The following ZNF155 variants were observed in gnomAD, a reference collection of about 807,000 sequenced individuals.
ZNF155 encodes KRAB A domain.
ZNF155 carries 15 observed loss-of-function variants against 11.9 expected under a neutral mutation model. The observed-to-expected ratio is 1.26, with a 90% CI of 0.84 to 1.94. The LOEUF (loss-of-function observed/expected upper bound fraction) is 1.94, where lower values mean the gene tolerates loss of function less well. Among genes scored for constraint, ZNF155 ranks in the 30% most tolerant of loss-of-function variants. ZNF155 has a pLI of 0.00. For missense variants in ZNF155, 602 were observed against 639.1 expected, an observed-to-expected ratio of 0.94 and a Z score of 0.63; for synonymous variants, 212 against 219.9, an observed-to-expected ratio of 0.96 and a Z score of 0.32.
chr19:43,995,406 CT>C (rs60385928), intron 4 of ZNF155, among the ~76,000 whole-genome samples: 74,963 of 94,224 alleles, frequency 0.8, 30,256 homozygotes, highest in East Asian at 0.91. Context: ...GCATCCAGCA[CT>C]TTTTTTTTTT....
intron 2 of ZNF155, chr19:43,990,052 C>G (rs1242587441): frequency 2.0e-6 from 3 of 1,513,422 alleles, no homozygotes; most frequent in Admixed American, 4.6e-5. Context: ...ATACTTATAA[C>G]CTGCTCTTGG....
At position 43,997,248 on chromosome 19, in the gene ZNF155, A is replaced by G. The variant is rs375597411; in HGVS notation, c.1391A>G (p.Asn464Ser). The stretch of plus-strand genomic sequence containing the variant: ...TATAATTGTAAGGAATGTGGGAAGA[A>G]CTTTAGCCGGGCCTCAAGTATTTTG... ...RPYNCKECGK[N>S]FSRASSILNH... The change falls in exon 5 of 5, where the codon AAC (asparagine) becomes AGC (serine). Residue 464 changes from asparagine to serine, a missense_variant. Physicochemically the swap from Asn to Ser is conservative, Grantham distance 46 (BLOSUM62 1). Coordinates refer to ENST00000270014, the MANE Select transcript of ZNF155 (RefSeq NM_198089.3). 4.2e-5 allele frequency: 67 copies of G among 1,614,114 alleles called. No homozygotes were observed. The highest frequency in any genetic ancestry group is 1.6e-4 in the Middle Eastern group (1 of 6,062).
intron 2 of ZNF155, among the ~76,000 whole-genome samples, chr19:43,990,301 A>G (rs1975613622): frequency 6.6e-6 from 1 of 152,186 alleles, no homozygotes; most frequent in Non-Finnish European, 1.5e-5. Context: ...AATATGTAAA[A>G]TTAAATATTC....
At chr19:43,985,872 A>G (rs415499) in intron 1 of ZNF155, among the ~76,000 whole-genome samples, 69,677 of 152,040 alleles carry the variant, frequency 0.46, 15,971 homozygotes, top group Middle Eastern at 0.49. Context: ...GGAGTGAGAC[A>G]CCTGGTGCTT....
chr19:43,997,724 A>G lies in ZNF155; in HGVS notation c.*250A>G. 1 of 413,678 alleles carries G rather than the reference A, an allele frequency of 2.4e-6. No individual in the cohort carries two copies. Among genetic ancestry groups the G allele is most frequent in the Non-Finnish European group, 4.3e-6 (1 of 232,500 alleles). 25.6% of individuals were successfully genotyped at this position (413,678 alleles called of 1,614,324 possible). ...AGCCTGGGGAAGACAATCAAGCTAC[A>G]GGCACTGATAAGGGAACTAGCACAG... On this transcript the variant is annotated 3_prime_UTR_variant, in exon 5 of 5. Transcript: ENST00000270014.
chr19:43,988,415 C>G lies in ZNF155; in HGVS notation c.-85-44C>G, dbSNP rs561956931. On this transcript the variant is annotated intron_variant, in intron 1 of 4. Coordinates refer to ENST00000270014, the MANE Select transcript of ZNF155 (RefSeq NM_198089.3). ...TTATTATGAATAATGCTGCTGTGAT[C>G]ATTCATGGGCTAATTCACAACACAC... is the stretch of plus-strand genomic sequence containing the variant. 1.6e-5 allele frequency: 15 copies of G among 932,816 alleles called. No individual in the cohort carries two copies. In the South Asian group the frequency reaches 3.7e-4, roughly 23 times the overall value. 57.8% of individuals were successfully genotyped at this position (932,816 alleles called of 1,614,324 possible).
chr19:43,994,187 G>T (rs1159728010), intron 4 of ZNF155, among the ~76,000 whole-genome samples: 1 of 151,900 alleles, frequency 6.6e-6, no homozygotes, highest in African/African-American at 2.4e-5. Flanking sequence ...TCACATTTTT[G>T]ATTGTCTGCT....
intron 1 of ZNF155, among the ~76,000 whole-genome samples, chr19:43,987,578 T>A (rs948042412): frequency 2.6e-5 from 4 of 152,192 alleles, no homozygotes; most frequent in Admixed American, 6.5e-5. Flanking sequence ...GGTTTGGCCC[T>A]TCATTGGTGA....
rs770585157 is a variant in ZNF155 at position 43,991,724 on chromosome 19, T to G, written c.142+50T>G. The G allele has an allele frequency of 3.7e-6, 6 of 1,612,834 alleles. No individual in the cohort carries two copies. In the East Asian group the frequency reaches 8.9e-5, roughly 24 times the overall value. On this transcript the variant is annotated intron_variant, in intron 3 of 4. Coordinates refer to ENST00000270014, the MANE Select transcript of ZNF155 (RefSeq NM_198089.3). Reference sequence around the variant, plus strand: ...TGAACATCAGGCCTCAGGAGTGGTTTTGTACCTTAGAGTGTTCAAGTTTGA... The same window carrying G: ...TGAACATCAGGCCTCAGGAGTGGTTGTGTACCTTAGAGTGTTCAAGTTTGA...
At chr19:43,990,018 A>G in intron 2 of ZNF155, 1 of 1,467,556 alleles carries the variant, frequency 6.8e-7, no homozygotes, top group Non-Finnish European at 8.9e-7. Flanking sequence ...TTGTTCCCCA[A>G]ATCAGATTAC....
intron 4 of ZNF155, among the ~76,000 whole-genome samples, chr19:43,993,091 T>C (rs1975720546): frequency 6.6e-6 from 1 of 152,216 alleles, no homozygotes; most frequent in Admixed American, 6.5e-5. Context: ...AAAGTCTATA[T>C]ACACTTCACT....
In ZNF155 at chr19:43,996,496, T is replaced by C. The variant is rs773233540; in HGVS notation, c.639T>C (p.Phe213=). 1 of 1,614,138 alleles carries C rather than the reference T, an allele frequency of 6.2e-7. No homozygotes were observed. Among genetic ancestry groups the C allele is most frequent in the Non-Finnish European group, 8.5e-7 (1 of 1,180,012 alleles). ...TGTGTGATGTGTGTGGCAAGGAATT[T>C]AGTCAAAGCTCACATCTGCAAACTC... ...LFMCDVCGKE[F]SQSSHLQTHQ... Residue 213 remains phenylalanine, a synonymous_variant, in exon 5 of 5, where the codon TTT becomes TTC. Coordinates refer to ENST00000270014, the MANE Select transcript of ZNF155 (RefSeq NM_198089.3).
At chr19:43,985,539 T>TAC (rs1555760001) in intron 1 of ZNF155, among the ~76,000 whole-genome samples, 1 of 122,714 alleles carries the variant, frequency 8.1e-6, no homozygotes, top group Non-Finnish European at 1.8e-5. Context: ...TTTTCTTTTT[T>TAC]TTTTTTTTTT....
At position 43,991,679 on chromosome 19, in the gene ZNF155, G is replaced by A. The variant is rs1454506890; in HGVS notation, c.142+5G>A. The stretch of plus-strand genomic sequence containing the variant: ...TCAGGAACCTGCTCTCAGTGGGTGA[G>A]CACGGGCATCTTTTGTGTCTGAACA... On this transcript the variant is annotated splice_donor_5th_base_variant and intron_variant, in intron 3 of 4. Transcript: ENST00000270014. 6.2e-7 allele frequency: 1 copy of A among 1,614,006 alleles called. No individual in the cohort carries two copies. The highest frequency in any genetic ancestry group is 2.2e-5 in the East Asian group (1 of 44,902).
rs376021875 is a variant in ZNF155, at chr19:43,996,985, A to G, written c.1128A>G (p.Glu376=). 8.2e-5 allele frequency: 132 copies of G among 1,614,068 alleles called. No individual in the cohort carries two copies. The Admixed American group carries it at 1.3e-3, about 16-fold the overall frequency. Residue 376 remains glutamate (E), a synonymous_variant, in exon 5 of 5, where the codon GAA becomes GAG. Transcript: ENST00000270014. ...GAGAAAAACCATATAATTGTAAAGA[A>G]TGTGGGAAGAGCTTCAGATGGTCCT... is the stretch of plus-strand genomic sequence containing the variant. The part of the protein sequence containing the change: ...HTGEKPYNCK[E]CGKSFRWSSC...
chr19:43,997,265 A>G lies in ZNF155; in HGVS notation c.1408A>G (p.Ser470Gly), dbSNP rs542657950. Reference sequence around the variant, plus strand: ...TGGGAAGAACTTTAGCCGGGCCTCAAGTATTTTGAATCATAAGAGACTCCA... The same window carrying G: ...TGGGAAGAACTTTAGCCGGGCCTCAGGTATTTTGAATCATAAGAGACTCCA... ...ECGKNFSRAS[S>G]ILNHKRLHCQ... Residue 470 changes from serine to glycine, a missense_variant, in exon 5 of 5, where the codon AGT becomes GGT. By Grantham distance (56) the Ser-to-Gly change is moderately conservative. Coordinates refer to ENST00000270014, the MANE Select transcript of ZNF155 (RefSeq NM_198089.3). 7.8e-5 allele frequency: 126 copies of G among 1,614,022 alleles called. No homozygotes were observed. Among genetic ancestry groups the G allele is most frequent in the Non-Finnish European group, 9.8e-5 (116 of 1,180,018 alleles).
In ZNF155 at chr19:43,996,572, A is replaced by C. The variant is rs1239622157; in HGVS notation, c.715A>C (p.Lys239Gln). 6 of 1,613,166 alleles carry C rather than the reference A, an allele frequency of 3.7e-6. No individual in the cohort carries two copies. The highest frequency in any genetic ancestry group is 1.7e-5 in the Admixed American group (1 of 59,982). The change falls in exon 5 of 5, where the codon AAA (lysine) becomes CAA (glutamine). Residue 239 changes from lysine to glutamine, a missense_variant. Transcript: ENST00000270014. ...ACCATTCAAATGTGAGCAATGTGGG[A>C]AAGGTTTCAGTCGTAGATCAGCACT... ...EKPFKCEQCG[K>Q]GFSRRSALNV... is the part of the protein sequence containing the mutation.
At chr19:43,993,500 G>A (rs963547485) in intron 4 of ZNF155, among the ~76,000 whole-genome samples, 4 of 152,008 alleles carry the variant, frequency 2.6e-5, no homozygotes, top group Non-Finnish European at 4.4e-5. Context: ...AGCGACCTCC[G>A]CCTCCCAGGT....
At chr19:43,995,896 A>T (rs142755315) in intron 4 of ZNF155, among the ~76,000 whole-genome samples, 197 bp from the exon 5 acceptor site, 1 of 152,222 alleles carries the variant, frequency 6.6e-6, no homozygotes, top group East Asian at 1.9e-4. Flanking sequence ...TATTATTTCT[A>T]TCAAGGATTT....
Sources: gnomAD v4.1 joint callset for allele counts (sites outside exome capture counted in the v4.1 genomes callset) on GRCh38, gnomAD v4.1.1 for gene constraint, MANE v1.5 for transcripts, NCBI Gene and HGNC (gene_info 2026-07-23, HGNC 2026-07-21) for gene names.